Variants in ADORA2B observed in about 807,000 individuals in gnomAD.
The protein encoded by ADORA2B is adenosine A2b receptor.
A neutral mutation model predicts 20.8 loss-of-function variants in ADORA2B; 18 were observed. The ratio of observed to expected loss-of-function variants is 0.87; its 90% CI spans 0.60 to 1.29. The LOEUF (loss-of-function observed/expected upper bound fraction) is 1.29. Ranked by LOEUF, ADORA2B falls within the 50% of genes most tolerant of loss-of-function variation. The pLI is 0.00. For missense variants in ADORA2B, 441 were observed against 422.7 expected, an observed-to-expected ratio of 1.04 and a Z score of -0.38; for synonymous variants, 179 against 178.3, an observed-to-expected ratio of 1.00 and a Z score of -0.03.
At chr17:15,856,080 A>G in the ADORA2B span, among the ~76,000 whole-genome samples, 1 of 152,036 alleles carries the variant, frequency 6.6e-6, no homozygotes, top group Non-Finnish European at 1.5e-5. Flanking sequence ...TGTAATCTCC[A>G]TAATCCCCAT....
the ADORA2B span, among the ~76,000 whole-genome samples, chr17:15,924,880 T>A: frequency 1.3e-5 from 2 of 152,126 alleles, no homozygotes; most frequent in East Asian, 3.9e-4. Flanking sequence ...TCTTTTTTTT[T>A]TTAAAGAGAC....
At chr17:15,907,288 A>G in the ADORA2B span, among the ~76,000 whole-genome samples, 3 of 152,060 alleles carry the variant, frequency 2.0e-5, no homozygotes, top group East Asian at 3.8e-4. Flanking sequence ...TCTCATGACT[A>G]ATGATATGCT....
At chr17:15,919,829 T>G in the ADORA2B span, among the ~76,000 whole-genome samples, 13 of 152,156 alleles carry the variant, frequency 8.5e-5, no homozygotes, top group African/African-American at 3.1e-4. Context: ...ACCCACTTTC[T>G]CCAGCCACTT....
the ADORA2B span, among the ~76,000 whole-genome samples, chr17:15,920,453 T>A: frequency 6.6e-6 from 1 of 152,234 alleles, no homozygotes; most frequent in Non-Finnish European, 1.5e-5. Flanking sequence ...CCAGCCACAG[T>A]GGCTCACGCC....
At chr17:15,852,978 TG>T in the ADORA2B span, among the ~76,000 whole-genome samples, 31,512 of 150,998 alleles carry the variant, frequency 0.21, 3,841 homozygotes, top group Non-Finnish European at 0.28. Context: ...CCAAGAATTT[TG>T]AAAACTAAAC....
the ADORA2B span, among the ~76,000 whole-genome samples, chr17:15,890,586 T>C: frequency 1.3e-5 from 2 of 152,162 alleles, no homozygotes; most frequent in East Asian, 1.9e-4. Flanking sequence ...GTTGTAATTT[T>C]GGTTTTTAAG....
the ADORA2B span, among the ~76,000 whole-genome samples, chr17:15,922,707 A>C: frequency 0.046 from 6,948 of 152,258 alleles, 381 homozygotes; most frequent in African/African-American, 0.13. Flanking sequence ...GTAAGTTTCA[A>C]ACATATACTT....
chr17:15,892,748 G>A, the ADORA2B span, among the ~76,000 whole-genome samples: 1 of 151,590 alleles, frequency 6.6e-6, no homozygotes, highest in Non-Finnish European at 1.5e-5. Context: ...CGGCAAAGGT[G>A]AAGAAGTACT....
At chr17:15,893,109 T>C in the ADORA2B span, among the ~76,000 whole-genome samples, 1 of 152,238 alleles carries the variant, frequency 6.6e-6, no homozygotes, top group East Asian at 1.9e-4. Context: ...ATATCTTCAT[T>C]TTTCTCAAAT....
intron 1 of ADORA2B, among the ~76,000 whole-genome samples, chr17:15,953,406 C>T (rs1969930137): frequency 2.0e-5 from 3 of 152,202 alleles, no homozygotes; most frequent in African/African-American, 7.2e-5. Flanking sequence ...AAGCAAGAGA[C>T]CCCCACCAGT....
At chr17:15,945,045 C>G (rs1597842566), upstream of ADORA2B, 5 of 344,298 alleles carry the variant, frequency 1.5e-5, no homozygotes, top group East Asian at 2.4e-4. Flanking sequence ...GACGGGCGGG[C>G]GCGCGGGCCA....
the ADORA2B span, among the ~76,000 whole-genome samples, chr17:15,863,068 T>C: frequency 6.6e-6 from 1 of 152,088 alleles, no homozygotes; most frequent in South Asian, 2.1e-4. Context: ...GCCCCAGATA[T>C]TACATATTGT....
At chr17:15,972,576 T>C (rs965000606) in intron 1 of ADORA2B, among the ~76,000 whole-genome samples, 3 of 152,154 alleles carry the variant, frequency 2.0e-5, no homozygotes, top group Admixed American at 6.5e-5. Flanking sequence ...CTTCCTTTCT[T>C]GGTCACCTCT....
chr17:15,890,712 C>T, the ADORA2B span, among the ~76,000 whole-genome samples: 3 of 152,246 alleles, frequency 2.0e-5, no homozygotes, highest in Admixed American at 6.5e-5. Flanking sequence ...GAACAATATC[C>T]GCCTCCCAGT....
chr17:15,860,251 A>G, the ADORA2B span, among the ~76,000 whole-genome samples: 2 of 152,232 alleles, frequency 1.3e-5, no homozygotes, highest in African/African-American at 4.8e-5. Context: ...TGATGCTCCC[A>G]GACGAATAAA....
At chr17:15,873,302 A>G in the ADORA2B span, among the ~76,000 whole-genome samples, 2 of 152,228 alleles carry the variant, frequency 1.3e-5, no homozygotes. Context: ...TCAGAAGACA[A>G]TTTGGAAAAC....
the ADORA2B span, among the ~76,000 whole-genome samples, chr17:15,911,059 G>C: frequency 6.6e-6 from 1 of 152,232 alleles, no homozygotes; most frequent in South Asian, 2.1e-4. Flanking sequence ...ATGCACAGCT[G>C]CATGGAGAAC....
chr17:15,863,059 C>G, the ADORA2B span, among the ~76,000 whole-genome samples: 3 of 151,930 alleles, frequency 2.0e-5, no homozygotes, highest in Non-Finnish European at 4.4e-5. Context: ...TAATTTAAAG[C>G]CCCAGATATT....
intron 1 of ADORA2B, among the ~76,000 whole-genome samples, chr17:15,955,531 C>T (rs550138683): frequency 2.0e-5 from 3 of 151,880 alleles, no homozygotes; most frequent in South Asian, 2.1e-4. Context: ...CTCACCCTCC[C>T]GAGTAGCTGG....
Sources: gnomAD v4.1 joint callset for allele counts (sites outside exome capture counted in the v4.1 genomes callset) on GRCh38, gnomAD v4.1.1 for gene constraint, MANE v1.5 for transcripts, NCBI Gene and HGNC (gene_info 2026-07-23, HGNC 2026-07-21) for gene names.